CNTN3: variants seen among roughly 807,000 people sequenced by gnomAD.
CNTN3 encodes the protein contactin-3.
A neutral mutation model predicts 119.1 loss-of-function variants in CNTN3; 60 were observed. The observed-to-expected ratio is 0.50, with a 90% CI of 0.41 to 0.62. CNTN3 has a LOEUF of 0.62. Ranked by LOEUF, CNTN3 falls within the 20% of genes least tolerant of loss-of-function variation. The pLI, the probability that CNTN3 is intolerant of heterozygous loss-of-function variation, is 0.00. For missense variants in CNTN3, 1,101 were observed against 1,242.4 expected (o/e 0.89, Z 1.71); for synonymous variants, 450 against 438.7 (o/e 1.03, Z -0.32).
chr3:74,412,713 T>C lies in CNTN3; in HGVS notation c.454+12132A>G, dbSNP rs1701459693. On this transcript the variant is annotated intron_variant, in intron 5 of 22. Coordinates refer to ENST00000263665, the MANE Select transcript of CNTN3 (RefSeq NM_020872.3). The stretch of plus-strand genomic sequence containing the variant: ...ATACCATTTAAAAAATATTGGAAAA[T>C]TTTACCAGCATACAGTTTCTGGCTT... Among the ~76,000 whole-genome samples, 3 of 152,110 alleles carry C rather than the reference T, an allele frequency of 2.0e-5. No homozygotes were observed. In the South Asian group the frequency reaches 6.2e-4, roughly 32 times the overall value.
In CNTN3 at chr3:74,264,212, T is replaced by C. The variant is rs151294438; in HGVS notation, c.*189A>G. Reference sequence around the variant, plus strand: ...TGTAAATTCCTTTGGTTTATCAAGTTAATATTAAGGCATTTCAGATTCCCC... The same window carrying C: ...TGTAAATTCCTTTGGTTTATCAAGTCAATATTAAGGCATTTCAGATTCCCC... On this transcript the variant is annotated 3_prime_UTR_variant, in exon 23 of 23. Transcript: ENST00000263665. 116 of 410,014 alleles carry C rather than the reference T, an allele frequency of 2.8e-4. No homozygotes were observed. The East Asian group carries it at 4.1e-3, about 15-fold the overall frequency. The allele number at this position is 410,014 out of a possible 1,614,324, so 25.4% of individuals were successfully genotyped here.
intron 4 of CNTN3, among the ~76,000 whole-genome samples, chr3:74,455,825 C>T (rs1702258056): frequency 1.3e-5 from 2 of 152,166 alleles, no homozygotes; most frequent in South Asian, 2.1e-4. Flanking sequence ...ATCAAAACCA[C>T]CTGGAGGTCT....
intron 1 of CNTN3, among the ~76,000 whole-genome samples, chr3:74,610,159 C>CA (rs1201709061): frequency 2.0e-5 from 3 of 151,988 alleles, no homozygotes; most frequent in Non-Finnish European, 2.9e-5. Context: ...CCCATCTCTA[C>CA]AAAAAATCCA....
At chr3:74,296,787 A>G (rs758071134) in intron 18 of CNTN3, among the ~76,000 whole-genome samples, 33 of 152,206 alleles carry the variant, frequency 2.2e-4, no homozygotes, top group Middle Eastern at 3.4e-3. Flanking sequence ...GGGAAATAAT[A>G]GTGCCTATAT....
intron 1 of CNTN3, among the ~76,000 whole-genome samples, chr3:74,547,565 G>A (rs1200706324): frequency 1.3e-5 from 2 of 152,084 alleles, no homozygotes; most frequent in Non-Finnish European, 2.9e-5. Context: ...TCCTGAATTT[G>A]AGCATCTTTT....
At chr3:74,456,878 A>G (rs1702279547) in intron 4 of CNTN3, among the ~76,000 whole-genome samples, 1 of 152,070 alleles carries the variant, frequency 6.6e-6, no homozygotes, top group Admixed American at 6.6e-5. Flanking sequence ...TACTGAGATT[A>G]CACTCAAAGG....
intron 19 of CNTN3, among the ~76,000 whole-genome samples, chr3:74,293,279 C>T (rs989824936): frequency 1.3e-5 from 2 of 152,246 alleles, no homozygotes; most frequent in Admixed American, 6.5e-5. Context: ...TTGCTCTATT[C>T]CCTATCCTTT....
chr3:74,293,832 A>G lies in CNTN3; in HGVS notation c.2517+1289T>C, dbSNP rs1163082293. ...TGTCTCCTCCATTCTTTAGGGATGC[A>G]TGACAGTGTATCTCATCTCTGCAGA... is the stretch of plus-strand genomic sequence containing the variant. On this transcript the variant is annotated intron_variant, in intron 19 of 22. Transcript: ENST00000263665. Among the ~76,000 whole-genome samples, 4 of 152,206 alleles carry G rather than the reference A, an allele frequency of 2.6e-5. No homozygotes were observed. The East Asian group carries it at 5.8e-4, about 22-fold the overall frequency.
chr3:74,298,639 G>C (rs535242541), intron 17 of CNTN3, among the ~76,000 whole-genome samples: 51 of 151,274 alleles, frequency 3.4e-4, no homozygotes, highest in South Asian at 1.9e-3. Flanking sequence ...GCTCACGCCT[G>C]TAATCCCAGC....
intron 1 of CNTN3, among the ~76,000 whole-genome samples, chr3:74,591,496 A>T (rs1704702232): frequency 6.6e-6 from 1 of 151,932 alleles, no homozygotes; most frequent in African/African-American, 2.4e-5. Flanking sequence ...GATAATTCAT[A>T]CAGTACTGTG....
At chr3:74,566,440 G>A (rs926383192) in intron 1 of CNTN3, among the ~76,000 whole-genome samples, 2 of 152,160 alleles carry the variant, frequency 1.3e-5, no homozygotes, top group African/African-American at 4.8e-5. Context: ...TGCCTAAAAT[G>A]AGTGTCAGCA....
chr3:74,444,659 T>C (rs1290455867), intron 4 of CNTN3, among the ~76,000 whole-genome samples: 1 of 152,166 alleles, frequency 6.6e-6, no homozygotes, highest in Non-Finnish European at 1.5e-5. Context: ...TTAAACTAAA[T>C]GTGGGATAGC....
intron 17 of CNTN3, among the ~76,000 whole-genome samples, chr3:74,299,467 G>A (rs979766648): frequency 8.5e-5 from 13 of 152,158 alleles, no homozygotes; most frequent in African/African-American, 3.1e-4. Flanking sequence ...AAAGTCATAA[G>A]GGGAGCTTGA....
chr3:74,379,647 C>A (rs1036894647), intron 5 of CNTN3, among the ~76,000 whole-genome samples: 2 of 152,184 alleles, frequency 1.3e-5, no homozygotes, highest in African/African-American at 4.8e-5. Flanking sequence ...AAGAGAACAT[C>A]TCCTCTCCTA....
intron 4 of CNTN3, among the ~76,000 whole-genome samples, chr3:74,447,976 T>G (rs566662068): frequency 2.0e-5 from 3 of 152,182 alleles, no homozygotes; most frequent in African/African-American, 7.2e-5. Flanking sequence ...GGATGATCCA[T>G]GTAGACCGTT....
At chr3:74,459,938 C>T (rs1702335425) in intron 4 of CNTN3, among the ~76,000 whole-genome samples, 1 of 151,868 alleles carries the variant, frequency 6.6e-6, no homozygotes, top group South Asian at 2.1e-4. Flanking sequence ...AATAGTTTAC[C>T]TTTATTGCAC....
rs1432814112 is a variant in CNTN3, at chr3:74,611,031, T to C, written c.-81+3360A>G. Among the ~76,000 whole-genome samples the C allele has an allele frequency of 3.9e-5, 6 of 152,064 alleles. 1 individual carries two copies. The highest frequency in any genetic ancestry group is 7.4e-5 in the Non-Finnish European group (5 of 68,000). ...AAAGTCAAGGGACTTAAAAAACAAATGGGACAAAATTGTTCTCTTGTTTTA... is the reference window on the plus strand; with the variant it reads ...AAAGTCAAGGGACTTAAAAAACAAACGGGACAAAATTGTTCTCTTGTTTTA... On this transcript the variant is annotated intron_variant, in intron 1 of 22. Transcript: ENST00000263665.
chr3:74,340,561 A>G (rs1450749003), intron 11 of CNTN3, among the ~76,000 whole-genome samples: 1 of 152,140 alleles, frequency 6.6e-6, no homozygotes, highest in African/African-American at 2.4e-5. Flanking sequence ...CTTGATTTAT[A>G]GTGTTGCTCC....
At chr3:74,294,998 T>C (rs1702309999) in intron 19 of CNTN3, 123 bp downstream of exon 19, 1 of 540,986 alleles carries the variant, frequency 1.8e-6, no homozygotes. Flanking sequence ...AAACAATGTG[T>C]TGATAAAAAA....
Sources: gnomAD v4.1 joint callset for allele counts (sites outside exome capture counted in the v4.1 genomes callset) on GRCh38, gnomAD v4.1.1 for gene constraint, MANE v1.5 for transcripts, NCBI Gene and HGNC (gene_info 2026-07-23, HGNC 2026-07-21) for gene names.